TAF5L: variants seen among roughly 807,000 people sequenced by gnomAD.
TAF5L encodes TAF5-like RNA polymerase II p300/CBP-associated factor-associated factor 65 kDa subunit 5L.
Under a neutral mutation model 51.3 loss-of-function variants are expected in TAF5L, and 7 were observed. The observed-to-expected ratio is 0.14, with a 90% CI of 0.08 to 0.26. TAF5L has a LOEUF of 0.26. Among genes scored for constraint, TAF5L ranks in the 10% least tolerant of loss-of-function variants. The pLI is 1.00. For missense variants in TAF5L, 575 were observed against 758.9 expected (o/e 0.76, Z 2.85); for synonymous variants, 291 against 308.1 (o/e 0.94, Z 0.58).
chr1:229,601,093 A>G, intron 4 of TAF5L: 1 of 984,552 alleles, frequency 1.0e-6, no homozygotes, highest in Non-Finnish European at 1.2e-6. Context: ...TAAAGCTTCT[A>G]CATGGGAATC....
Position 229,604,173 on chromosome 1 carries a change from AT to A in TAF5L, c.248-1255del, listed in dbSNP as rs4006085. 2.9e-3 allele frequency among the ~76,000 whole-genome samples: 427 copies of A among 144,886 alleles called. 2 individuals are homozygous for A. The highest frequency in any genetic ancestry group is 7.9e-3 in the African/African-American group (311 of 39,288). On this transcript the variant is annotated intron_variant, in intron 3 of 4. Transcript: ENST00000258281. Reference sequence around the variant, plus strand: ...AAGTCAGCACTTATGTTCTGGTAGCATTTTTTTTTTTTTTCATGAAAAGGCA... The same window carrying A: ...AAGTCAGCACTTATGTTCTGGTAGCATTTTTTTTTTTTTCATGAAAAGGCA...
At chr1:229,616,375 T>TA (rs34085842) in intron 1 of TAF5L, among the ~76,000 whole-genome samples, 1 of 148,206 alleles carries the variant, frequency 6.7e-6, no homozygotes. Flanking sequence ...TTTATTTATA[T>TA]TTTTTTTTTT....
At chr1:229,617,793 G>A in intron 1 of TAF5L, among the ~76,000 whole-genome samples, 1 of 152,168 alleles carries the variant, frequency 6.6e-6, no homozygotes, top group Non-Finnish European at 1.5e-5. Context: ...CTAGAAACTA[G>A]TCTGTAATAC....
At chr1:229,605,681 A>G (rs1054010541) in intron 3 of TAF5L, among the ~76,000 whole-genome samples, 3 of 152,130 alleles carry the variant, frequency 2.0e-5, no homozygotes, top group Admixed American at 6.5e-5. Flanking sequence ...TACCTTCCAT[A>G]AAGTGTGGGC....
At chr1:229,621,321 CAA>C (rs146996921) in intron 1 of TAF5L, among the ~76,000 whole-genome samples, 2 of 152,300 alleles carry the variant, frequency 1.3e-5, no homozygotes, top group South Asian at 4.1e-4. Flanking sequence ...TTACTAATGA[CAA>C]AGTCTCCAAA....
intron 3 of TAF5L, among the ~76,000 whole-genome samples, chr1:229,609,576 T>C (rs950169746): frequency 1.3e-5 from 2 of 152,192 alleles, no homozygotes; most frequent in African/African-American, 4.8e-5. Context: ...CAAAAACTGG[T>C]CTAAATGACA....
intron 4 of TAF5L, chr1:229,600,949 T>C: frequency 1.3e-5 from 13 of 985,364 alleles, no homozygotes; most frequent in African/African-American, 1.7e-5. Flanking sequence ...CGAAAGCAAA[T>C]GCAGGCAGTA....
intron 1 of TAF5L, among the ~76,000 whole-genome samples, chr1:229,618,134 GA>G (rs576388442): frequency 6.6e-6 from 1 of 151,862 alleles, no homozygotes; most frequent in South Asian, 2.1e-4. Flanking sequence ...GACAAGTGAA[GA>G]AAAAAAACTC....
chr1:229,598,144 CAT>C (rs145663549), intron 4 of TAF5L, among the ~76,000 whole-genome samples: 55 of 152,334 alleles, frequency 3.6e-4, no homozygotes, highest in African/African-American at 1.3e-3. Context: ...CATGAATTGA[CAT>C]GTGCTGTTCA....
At chr1:229,601,507 C>T (rs1571833675) in intron 4 of TAF5L, 2 of 985,298 alleles carry the variant, frequency 2.0e-6, no homozygotes, top group South Asian at 9.4e-5. Context: ...ACCTGAAACC[C>T]AAGCTGCGCC....
In TAF5L at chr1:229,602,649, T is replaced by A. The variant is rs750765676; in HGVS notation, c.518A>T (p.Asn173Ile). The change falls in exon 4 of 5, where the codon AAC (asparagine) becomes ATC (isoleucine). Residue 173 changes from asparagine (N) to isoleucine (I), a missense_variant. Physicochemically the swap from Asn to Ile is moderately radical, Grantham distance 149. Coordinates refer to ENST00000258281, the Ensembl canonical transcript of TAF5L. The surrounding 1 kb of genome is among the most constrained non-coding windows in gnomAD (Gnocchi z 4.6). ...ACTTTGGAGGTAGCGGATAAGGTAGTTGTAGCTGTCTTCTTGGAGACGGAC... is the reference window on the plus strand; with the variant it reads ...ACTTTGGAGGTAGCGGATAAGGTAGATGTAGCTGTCTTCTTGGAGACGGAC... 4 of 1,614,188 alleles carry A rather than the reference T, an allele frequency of 2.5e-6. No homozygotes were observed. The East Asian group carries it at 6.7e-5, about 27-fold the overall frequency.
In TAF5L at chr1:229,602,130, T is replaced by C. The variant is rs1321529846; in HGVS notation, c.972+65A>G. 1.3e-6 allele frequency: 2 copies of C among 1,556,538 alleles called. No homozygotes were observed. The highest frequency in any genetic ancestry group is 1.7e-6 in the Non-Finnish European group (2 of 1,151,850). ...AAGTCCATTCTAAGATATGTCGTGT[T>C]TGGTAAGGACATTCTAAGGAAATTA... On this transcript the variant is annotated intron_variant, in intron 4 of 4. Coordinates refer to ENST00000258281, the Ensembl canonical transcript of TAF5L. The surrounding 1 kb of genome is among the most constrained non-coding windows in gnomAD (Gnocchi z 4.6).
At chr1:229,606,995 T>C (rs746348965) in intron 3 of TAF5L, 4 of 985,310 alleles carry the variant, frequency 4.1e-6, no homozygotes, top group Non-Finnish European at 3.6e-6. Flanking sequence ...TCCATGTAGC[T>C]GATGCTACAT....
intron 2 of TAF5L, among the ~76,000 whole-genome samples, chr1:229,611,337 G>A (rs556038800): frequency 1.3e-5 from 2 of 152,210 alleles, no homozygotes; most frequent in African/African-American, 2.4e-5. Flanking sequence ...GGGAACACCG[G>A]GGAAAGAAGG....
intron 1 of TAF5L, among the ~76,000 whole-genome samples, chr1:229,621,253 T>C (rs1352280433): frequency 6.6e-6 from 1 of 152,258 alleles, no homozygotes; most frequent in Non-Finnish European, 1.5e-5. Flanking sequence ...GTGAAACTAA[T>C]GCATCAGCAT....
intron 4 of TAF5L, chr1:229,601,208 G>C: frequency 2.0e-6 from 2 of 985,174 alleles, no homozygotes; most frequent in Non-Finnish European, 2.4e-6. Flanking sequence ...CAGAAAACAG[G>C]AACAGGAAAA....
At chr1:229,610,265 C>A in intron 2 of TAF5L, 55 bp from the exon 3 acceptor site, 2 of 1,546,046 alleles carry the variant, frequency 1.3e-6, no homozygotes, top group Non-Finnish European at 1.8e-6. Flanking sequence ...CGATTATTAA[C>A]CCAGTACGTG....
intron 4 of TAF5L, chr1:229,600,296 G>C: frequency 1.0e-6 from 1 of 985,276 alleles, no homozygotes; most frequent in Non-Finnish European, 1.2e-6. Context: ...GAGAATCTCA[G>C]CTTTAGTTCT....
chr1:229,609,614 A>G lies in TAF5L; in HGVS notation c.247+492T>C, dbSNP rs142885514. 3.5e-3 allele frequency among the ~76,000 whole-genome samples: 533 copies of G among 152,350 alleles called. 3 individuals carry two copies. Among genetic ancestry groups the G allele is most frequent in the African/African-American group, 0.012 (495 of 41,586 alleles). ...TTCTAGCATTTTTGCCTGTTCATTC[A>G]TAAGGACTATTTACTTGCACTTTTG... is the stretch of plus-strand genomic sequence containing the variant. On this transcript the variant is annotated intron_variant, in intron 3 of 4. Coordinates refer to ENST00000258281, the Ensembl canonical transcript of TAF5L.
Sources: allele counts gnomAD v4.1 joint callset (sites outside exome capture counted in the v4.1 genomes callset), GRCh38; gene constraint gnomAD v4.1.1; non-coding constraint Gnocchi (gnomAD v3.1); transcripts MANE v1.5; gene names NCBI Gene and HGNC (gene_info 2026-07-23, HGNC 2026-07-21).